NEGR1: variants seen among roughly 807,000 people sequenced by gnomAD.
NEGR1 encodes IgLON family member 4.
In NEGR1, 10 loss-of-function variants were observed where a neutral mutation model predicts 40.9. The observed-to-expected ratio is 0.24, with a 90% confidence interval of 0.15 to 0.42. NEGR1 has a LOEUF of 0.42. Among genes scored for constraint, NEGR1 ranks in the 10% least tolerant of loss-of-function variants. The pLI is 1.00. For synonymous variants in NEGR1, 185 were observed against 166.8 expected, an observed-to-expected ratio of 1.11 and a Z score of -0.84; for missense variants, 352 against 438.9, an observed-to-expected ratio of 0.80 and a Z score of 1.77.
At chr1:71,482,743 T>C (rs1646862308) in intron 6 of NEGR1, among the ~76,000 whole-genome samples, 1 of 151,864 alleles carries the variant, frequency 6.6e-6, no homozygotes, top group Non-Finnish European at 1.5e-5. Flanking sequence ...GAGTCACATA[T>C]GTACTTCCCT....
chr1:71,440,042 T>C (rs1385417663), intron 6 of NEGR1, among the ~76,000 whole-genome samples: 3 of 152,222 alleles, frequency 2.0e-5, no homozygotes, highest in Non-Finnish European at 4.4e-5. Flanking sequence ...TTGTATTCTA[T>C]GGCTTACGAA....
chr1:71,993,238 T>G (rs1646470956), intron 1 of NEGR1, among the ~76,000 whole-genome samples: 1 of 152,206 alleles, frequency 6.6e-6, no homozygotes, highest in Non-Finnish European at 1.5e-5. Flanking sequence ...ATAGTATATA[T>G]TCCCTTAATA....
intron 4 of NEGR1, among the ~76,000 whole-genome samples, chr1:71,678,978 T>C (rs1311742202): frequency 6.6e-6 from 1 of 152,110 alleles, no homozygotes; most frequent in African/African-American, 2.4e-5. Context: ...CCACTGAAGA[T>C]GTTTAAGCAG....
At chr1:71,742,309 G>C (rs1214453120) in intron 3 of NEGR1, among the ~76,000 whole-genome samples, 2 of 152,054 alleles carry the variant, frequency 1.3e-5, no homozygotes, top group Non-Finnish European at 2.9e-5. Context: ...CTGTCAAGTA[G>C]AGCCCTGGGA....
intron 2 of NEGR1, among the ~76,000 whole-genome samples, chr1:71,834,197 A>G (rs1004499451): frequency 6.6e-6 from 1 of 152,110 alleles, no homozygotes; most frequent in African/African-American, 2.4e-5. Context: ...ATTGGGAGTA[A>G]GAAGAAATTG....
At chr1:71,811,574 A>T (rs1169217856) in intron 2 of NEGR1, among the ~76,000 whole-genome samples, 1 of 150,908 alleles carries the variant, frequency 6.6e-6, no homozygotes, top group Non-Finnish European at 1.5e-5. Flanking sequence ...CTTATATTTA[A>T]TTTACTTATA....
In NEGR1 at chr1:71,935,314, AC is replaced by A. The variant is rs1407813837; in HGVS notation, c.177-4del. ...AAGCTCCATCTTCCAAATAACACCTACAAATTACAAGAGATACAACACTATT... is the reference window on the plus strand; with the variant it reads ...AAGCTCCATCTTCCAAATAACACCTAAAATTACAAGAGATACAACACTATT... On this transcript the variant is annotated splice_polypyrimidine_tract_variant and splice_region_variant and intron_variant, in intron 1 of 6. Transcript: ENST00000357731. 2 of 1,571,142 alleles carry A rather than the reference AC, an allele frequency of 1.3e-6. No individual in the cohort carries two copies. Among genetic ancestry groups the A allele is most frequent in the African/African-American group, 2.7e-5 (2 of 74,208 alleles).
chr1:71,789,457 A>G (rs913772558), intron 2 of NEGR1, among the ~76,000 whole-genome samples: 1 of 152,090 alleles, frequency 6.6e-6, no homozygotes, highest in African/African-American at 2.4e-5. Flanking sequence ...TCTCCTTCAT[A>G]TTAATTACTA....
At chr1:71,757,598 C>A (rs914797134) in intron 3 of NEGR1, among the ~76,000 whole-genome samples, 6 of 151,912 alleles carry the variant, frequency 3.9e-5, no homozygotes, top group African/African-American at 1.4e-4. Flanking sequence ...AGAATGAAAC[C>A]AGATAAAACA....
chr1:71,570,653 A>ATTATTATTG (rs1355013392), intron 6 of NEGR1, among the ~76,000 whole-genome samples: 1 of 151,004 alleles, frequency 6.6e-6, no homozygotes, highest in East Asian at 1.9e-4. Context: ...CCTTATTATT[A>ATTATTATTG]TTATTATTAT....
chr1:71,628,038 G>A (rs141606936), intron 4 of NEGR1, among the ~76,000 whole-genome samples: 2,367 of 152,142 alleles, frequency 0.016, 23 homozygotes, highest in Admixed American at 0.031. Context: ...CTCACCATGG[G>A]AGGACTTCCC....
At chr1:72,076,479 A>C (rs1647738262) in intron 1 of NEGR1, among the ~76,000 whole-genome samples, 1 of 152,092 alleles carries the variant, frequency 6.6e-6, no homozygotes, top group African/African-American at 2.4e-5. Flanking sequence ...CAGCTTGAAC[A>C]GAGTACAACA....
At chr1:71,885,858 G>A (rs950390272) in intron 2 of NEGR1, among the ~76,000 whole-genome samples, 13 of 151,986 alleles carry the variant, frequency 8.6e-5, no homozygotes, top group East Asian at 5.8e-4. Context: ...AACAAATGGC[G>A]TATTAATAAT....
intron 3 of NEGR1, among the ~76,000 whole-genome samples, chr1:71,726,505 C>T (rs1469903081): frequency 6.6e-6 from 1 of 152,084 alleles, no homozygotes. Context: ...ACATTGTCAT[C>T]AGAATTCACA....
intron 1 of NEGR1, among the ~76,000 whole-genome samples, chr1:72,142,697 T>C (rs1170233989): frequency 6.6e-6 from 1 of 151,894 alleles, no homozygotes; most frequent in Non-Finnish European, 1.5e-5. Flanking sequence ...TACAATCTCA[T>C]TGAATTCTAA....
intron 1 of NEGR1, among the ~76,000 whole-genome samples, chr1:72,171,484 T>C (rs1308168840): frequency 6.6e-6 from 1 of 152,170 alleles, no homozygotes; most frequent in Non-Finnish European, 1.5e-5. Flanking sequence ...AGCTACATGT[T>C]TACATACAAG....
At chr1:71,927,766 C>T (rs1463521445) in intron 2 of NEGR1, among the ~76,000 whole-genome samples, 1 of 137,722 alleles carries the variant, frequency 7.3e-6, no homozygotes. Flanking sequence ...GGTAGATCGC[C>T]TGAGCCCAGG....
chr1:71,656,690 G>A (rs1651890196), intron 4 of NEGR1, among the ~76,000 whole-genome samples: 1 of 152,196 alleles, frequency 6.6e-6, no homozygotes, highest in Non-Finnish European at 1.5e-5. Flanking sequence ...GTAAGCCACC[G>A]CGCCTGGCCT....
chr1:71,785,229 T>G (rs976700103), intron 2 of NEGR1, among the ~76,000 whole-genome samples: 2 of 152,194 alleles, frequency 1.3e-5, no homozygotes, highest in African/African-American at 2.4e-5. Flanking sequence ...CTTATTGTCG[T>G]GCTGTATATC....
Sources: allele counts gnomAD v4.1 joint callset (sites outside exome capture counted in the v4.1 genomes callset), GRCh38; gene constraint gnomAD v4.1.1; transcripts MANE v1.5; gene names NCBI Gene and HGNC (gene_info 2026-07-23, HGNC 2026-07-21).